PIEZO2: variants seen among roughly 807,000 people sequenced by gnomAD.
The protein encoded by PIEZO2 is piezo type mechanosensitive ion channel component 2, also known as piezo-type mechanosensitive ion channel component 2.
In PIEZO2, 172 loss-of-function variants were observed where a neutral mutation model predicts 337.3. The ratio of observed to expected loss-of-function variants is 0.51; its 90% CI spans 0.45 to 0.58. The LOEUF (loss-of-function observed/expected upper bound fraction) is 0.58. Ranked by LOEUF, PIEZO2 falls within the 20% of genes least tolerant of loss-of-function variation. The pLI is 0.00. For missense variants in PIEZO2, 3,028 were observed against 3,391.3 expected (o/e 0.89, Z 2.66); for synonymous variants, 1,251 against 1,228.5 (o/e 1.02, Z -0.38).
In PIEZO2 at chr18:10,979,494, A is replaced by AAATAAAAGAAAAC; in HGVS notation, c.286+28_286+40dup. 7.0e-7 allele frequency: 1 copy of AAATAAAAGAAAAC among 1,430,236 alleles called. No individual in the cohort carries two copies. Among genetic ancestry groups the AAATAAAAGAAAAC allele is most frequent in the Non-Finnish European group, 9.2e-7 (1 of 1,083,818 alleles). 88.6% of individuals were successfully genotyped at this position (1,430,236 alleles called of 1,614,324 possible). On this transcript the variant is annotated intron_variant, in intron 3 of 55. Transcript: ENST00000674853. The surrounding 1 kb of genome is among the most constrained non-coding windows in gnomAD (Gnocchi z 4.0). Reference sequence around the variant, plus strand: ...GCTTTATTATGCACGTATATAAAAGAAATAAAAGAAAACAATAAAAGAAAA... The same window carrying AAATAAAAGAAAAC: ...GCTTTATTATGCACGTATATAAAAGAAATAAAAGAAAACAATAAAAGAAAACAATAAAAGAAAA...
chr18:11,114,518 T>C (rs2039828929), intron 1 of PIEZO2, among the ~76,000 whole-genome samples: 3 of 152,070 alleles, frequency 2.0e-5, no homozygotes. Context: ...ATACAAAAAC[T>C]AGCTGGTGTG....
chr18:10,840,458 G>A (rs2041156238), intron 7 of PIEZO2, among the ~76,000 whole-genome samples: 1 of 152,010 alleles, frequency 6.6e-6, no homozygotes, highest in African/African-American at 2.4e-5. Flanking sequence ...TTTATTGAGG[G>A]TAGCAATGGA....
chr18:11,108,520 A>C (rs898553712), intron 1 of PIEZO2, among the ~76,000 whole-genome samples: 1 of 148,270 alleles, frequency 6.7e-6, no homozygotes, highest in African/African-American at 2.5e-5. Flanking sequence ...AGGCTGAGGC[A>C]GGAGAATGGC....
intron 42 of PIEZO2, among the ~76,000 whole-genome samples, chr18:10,703,834 C>G (rs2035444828): frequency 6.6e-6 from 1 of 152,224 alleles, no homozygotes; most frequent in African/African-American, 2.4e-5. Context: ...CCTTCAGATG[C>G]TAAGCGGGTG....
At chr18:10,921,862 C>T (rs1164680322) in intron 3 of PIEZO2, among the ~76,000 whole-genome samples, 4 of 152,096 alleles carry the variant, frequency 2.6e-5, no homozygotes, top group Middle Eastern at 3.4e-3. Context: ...CTTCTATGGT[C>T]GAGACTGTAG....
At position 10,973,206 on chromosome 18, in the gene PIEZO2, G is replaced by A. The variant is rs769800420; in HGVS notation, c.286+6329C>T. On this transcript the variant is annotated intron_variant, in intron 3 of 55. Coordinates refer to ENST00000674853, the MANE Select transcript of PIEZO2 (RefSeq NM_001378183.1). This position sits in a 1 kb window ranked among gnomAD's most constrained non-coding sequence, Gnocchi z 4.9. ...GCATTGGCCTAAGGGTTGTTCATAC[G>A]GGTGGGTGTCATGCAGTGCTACCAC... is the stretch of plus-strand genomic sequence containing the variant. Among the ~76,000 whole-genome samples the A allele has an allele frequency of 1.2e-4, 19 of 152,186 alleles. No homozygotes were observed. Among genetic ancestry groups the A allele is most frequent in the South Asian group, 4.1e-4 (2 of 4,826 alleles).
intron 30 of PIEZO2, among the ~76,000 whole-genome samples, chr18:10,745,559 C>T (rs896016230): frequency 6.6e-6 from 1 of 152,222 alleles, no homozygotes; most frequent in East Asian, 1.9e-4. Flanking sequence ...CCTTATATAA[C>T]CTATGTGATG....
chr18:11,017,707 A>G (rs2036167181), intron 2 of PIEZO2, among the ~76,000 whole-genome samples: 1 of 152,200 alleles, frequency 6.6e-6, no homozygotes, highest in South Asian at 2.1e-4. Context: ...ATTCTTCCTC[A>G]GGGTCTCCGC....
chr18:10,937,905 G>T (rs2032496196), intron 3 of PIEZO2, among the ~76,000 whole-genome samples: 1 of 152,164 alleles, frequency 6.6e-6, no homozygotes, highest in Non-Finnish European at 1.5e-5. Flanking sequence ...TTAAAAAACT[G>T]CTATAATTCA....
intron 3 of PIEZO2, among the ~76,000 whole-genome samples, chr18:10,978,766 G>A (rs1328494847): frequency 2.0e-5 from 3 of 152,128 alleles, no homozygotes; most frequent in African/African-American, 7.2e-5. Flanking sequence ...AGTTAAAACT[G>A]TTATTACAGT....
rs545636633 is a variant in PIEZO2, at chr18:11,088,079, G to C, written c.65-21857C>G. Among the ~76,000 whole-genome samples the C allele has an allele frequency of 2.6e-3, 391 of 152,298 alleles. 2 individuals carry two copies. The highest frequency in any genetic ancestry group is 9.2e-3 in the African/African-American group (382 of 41,558). On this transcript the variant is annotated intron_variant, in intron 1 of 55. Transcript: ENST00000674853. ...TGTCTCTGCTCCCCCTGGACCTTAG[G>C]CAGACCTCAATGTATACTTGGGACA...
intron 28 of PIEZO2, among the ~76,000 whole-genome samples, chr18:10,752,079 C>A (rs983384566): frequency 2.0e-5 from 3 of 152,202 alleles, no homozygotes; most frequent in South Asian, 4.1e-4. Context: ...GACAGCCAGA[C>A]AGAAGGCTGC....
chr18:11,030,444 A>T (rs9963717), intron 2 of PIEZO2, among the ~76,000 whole-genome samples: 24,917 of 152,098 alleles, frequency 0.16, 2,305 homozygotes, highest in African/African-American at 0.23. Context: ...GCCCACCCCC[A>T]TCACTTAGTG....
At position 10,704,466 on chromosome 18, in the gene PIEZO2, G is replaced by C. The variant is rs1296980419; in HGVS notation, c.6186C>G (p.Ile2062Met). The C allele has an allele frequency of 6.5e-7, 1 of 1,537,258 alleles. No homozygotes were observed. The highest frequency in any genetic ancestry group is 2.0e-5 in the Admixed American group (1 of 51,004). Residue 2062 changes from isoleucine to methionine, a missense_variant, in exon 42 of 56, where the codon ATC (isoleucine) becomes ATG (methionine). Coordinates refer to ENST00000674853, the MANE Select transcript of PIEZO2 (RefSeq NM_001378183.1). Reference sequence around the variant, plus strand: ...GGACGGACAACATGGCCCAGAGGAAGATGAGGATGGGAAGCAGGAGCGTGA... The same window carrying C: ...GGACGGACAACATGGCCCAGAGGAACATGAGGATGGGAAGCAGGAGCGTGA... ...SMITLLLPIL[I>M]FLWAMLSVPR... is the part of the protein sequence containing the mutation.
At chr18:11,073,488 G>T (rs537138450) in intron 1 of PIEZO2, among the ~76,000 whole-genome samples, 4 of 152,222 alleles carry the variant, frequency 2.6e-5, no homozygotes, top group African/African-American at 7.2e-5. Flanking sequence ...CCACCCAAAA[G>T]CCACCCGAGT....
In PIEZO2 at chr18:11,118,628, T is replaced by C. The variant is rs370972026; in HGVS notation, c.64+29897A>G. ...AGTATGAGAAACTTCTCACATGCCC[T>C]GATTTATTGAAAAATAATTTCCTAA... On this transcript the variant is annotated intron_variant, in intron 1 of 55. Coordinates refer to ENST00000674853, the MANE Select transcript of PIEZO2 (RefSeq NM_001378183.1). Among the ~76,000 whole-genome samples the C allele has an allele frequency of 1.6e-4, 25 of 152,332 alleles. No individual in the cohort carries two copies. The South Asian group carries it at 5.0e-3, about 30-fold the overall frequency.
chr18:10,756,461 G>C (rs531087241), intron 27 of PIEZO2, among the ~76,000 whole-genome samples: 3 of 148,942 alleles, frequency 2.0e-5, no homozygotes, highest in African/African-American at 7.4e-5. Context: ...ATGAAGAAAA[G>C]CTATGAGGAT....
rs546409169 is a variant in PIEZO2, at chr18:11,034,790, A to T, written c.160+31337T>A. 3.9e-5 allele frequency among the ~76,000 whole-genome samples: 6 copies of T among 152,154 alleles called. No individual in the cohort carries two copies. The South Asian group carries it at 1.2e-3, about 32-fold the overall frequency. ...AACCTGGGAGGTGGAGGTTGCAGTG[A>T]GCCAAGACCGCGCCATTGCACTCCA... is the stretch of plus-strand genomic sequence containing the variant. On this transcript the variant is annotated intron_variant, in intron 2 of 55. Coordinates refer to ENST00000674853, the MANE Select transcript of PIEZO2 (RefSeq NM_001378183.1).
intron 3 of PIEZO2, among the ~76,000 whole-genome samples, chr18:10,911,669 C>A (rs1014539917): frequency 1.3e-5 from 2 of 152,146 alleles, no homozygotes; most frequent in African/African-American, 4.8e-5. Flanking sequence ...GCAGGAGAAT[C>A]ACTTGAACAT....
Sources: allele counts gnomAD v4.1 joint callset (sites outside exome capture counted in the v4.1 genomes callset), GRCh38; gene constraint gnomAD v4.1.1; non-coding constraint Gnocchi (gnomAD v3.1); transcripts MANE v1.5; gene names NCBI Gene and HGNC (gene_info 2026-07-23, HGNC 2026-07-21).